The following RHOT1 variants were observed in gnomAD, a reference collection of about 807,000 sequenced individuals.
RHOT1 encodes the protein mitochondrial Rho GTPase 1.
RHOT1 carries 27 observed loss-of-function variants against 95.3 expected under a neutral mutation model. That is an observed-to-expected ratio of 0.28 (90% CI 0.21 to 0.39). RHOT1 has a LOEUF of 0.39. Among genes scored for constraint, RHOT1 ranks in the 10% least tolerant of loss-of-function variants. The pLI is 1.00. For synonymous variants in RHOT1, 227 were observed against 263.5 expected (o/e 0.86, Z 1.34); for missense variants, 578 against 786.7 (o/e 0.73, Z 3.17).
intron 19 of RHOT1, among the ~76,000 whole-genome samples, chr17:32,220,033 T>C: frequency 6.6e-6 from 1 of 152,150 alleles, no homozygotes. Flanking sequence ...ATCCTAAATA[T>C]AGAGAAAAAT....
chr17:32,220,182 CA>C (rs1352870336), intron 19 of RHOT1, among the ~76,000 whole-genome samples: 8 of 151,872 alleles, frequency 5.3e-5, no homozygotes, highest in African/African-American at 1.9e-4. Context: ...TGCAACATAG[CA>C]AGACCCCATC....
rs760220103 is a variant in RHOT1 at position 32,183,161 on chromosome 17, A to G, written c.439-10A>G. The G allele has an allele frequency of 1.9e-6, 3 of 1,572,856 alleles. No individual in the cohort carries two copies. The highest frequency in any genetic ancestry group is 2.6e-6 in the Non-Finnish European group (3 of 1,152,800). On this transcript the variant is annotated splice_polypyrimidine_tract_variant and intron_variant, in intron 7 of 19. Coordinates refer to ENST00000545287, the MANE Select transcript of RHOT1 (RefSeq NM_001033566.3). ...AATTGATTTCAGAGTGTAAAATTTT[A>G]TTTTTTCAGTGTTCAGCGAAAAACC...
chr17:32,143,822 T>A (rs1266734547), intron 1 of RHOT1, among the ~76,000 whole-genome samples: 1 of 152,248 alleles, frequency 6.6e-6, no homozygotes, highest in Non-Finnish European at 1.5e-5. Flanking sequence ...TTTAAACCAT[T>A]ATTTCATTCT....
rs559470011 is a variant in RHOT1 at position 32,212,436 on chromosome 17, G to A, written c.1862+1198G>A. ...TTCTGCTTCTGTGCTTTAGCACCTT[G>A]TAAAGTAGTAACATAGACAGATTCT... On this transcript the variant is annotated intron_variant, in intron 19 of 19. Transcript: ENST00000545287. Among the ~76,000 whole-genome samples the A allele has an allele frequency of 3.5e-4, 53 of 152,308 alleles. 1 individual carries two copies. In the South Asian group the frequency reaches 0.011, roughly 32 times the overall value.
chr17:32,142,932 C>T, intron 1 of RHOT1: 1 of 717,436 alleles, frequency 1.4e-6, no homozygotes, highest in South Asian at 1.5e-5. Flanking sequence ...CGGCCCTCAC[C>T]CTGTCACCTC....
intron 8 of RHOT1, among the ~76,000 whole-genome samples, chr17:32,183,748 G>C (rs1277634895): frequency 6.6e-6 from 1 of 152,102 alleles, no homozygotes; most frequent in Non-Finnish European, 1.5e-5. Context: ...GCACGATCTC[G>C]ATCTCGGCTG....
At chr17:32,200,806 A>G in intron 13 of RHOT1, 150 bp from the exon 14 acceptor site, 1 of 567,526 alleles carries the variant, frequency 1.8e-6, no homozygotes, top group South Asian at 2.0e-5. Flanking sequence ...CAGTGTAAGA[A>G]AAACTATGGT....
intron 8 of RHOT1, among the ~76,000 whole-genome samples, chr17:32,190,615 T>G (rs1328821105): frequency 6.6e-6 from 1 of 152,190 alleles, no homozygotes; most frequent in African/African-American, 2.4e-5. Flanking sequence ...TTTAAATTAT[T>G]AAACTTTTTT....
intron 1 of RHOT1, among the ~76,000 whole-genome samples, chr17:32,147,118 C>T (rs1364576107): frequency 1.3e-5 from 2 of 151,618 alleles, no homozygotes; most frequent in Admixed American, 6.6e-5. Flanking sequence ...AATCTCGGCT[C>T]GTTACAGCAT....
intron 1 of RHOT1, among the ~76,000 whole-genome samples, chr17:32,165,010 G>A (rs1413990795): frequency 6.6e-6 from 1 of 151,110 alleles, no homozygotes; most frequent in Non-Finnish European, 1.5e-5. Flanking sequence ...AACAACAACA[G>A]CAAAACAAAA....
chr17:32,152,076 C>T (rs2032376183), intron 1 of RHOT1, among the ~76,000 whole-genome samples: 1 of 152,146 alleles, frequency 6.6e-6, no homozygotes, highest in Admixed American at 6.5e-5. Flanking sequence ...TTTTTAAAAT[C>T]ACACTTTAAA....
chr17:32,158,406 G>A (rs1042435492), intron 1 of RHOT1, among the ~76,000 whole-genome samples: 4 of 152,084 alleles, frequency 2.6e-5, no homozygotes, highest in African/African-American at 9.7e-5. Flanking sequence ...CTATTACAGT[G>A]TTTCTCAGTT....
chr17:32,165,681 C>T (rs1323412195), intron 1 of RHOT1, among the ~76,000 whole-genome samples: 2 of 151,884 alleles, frequency 1.3e-5, no homozygotes, highest in Non-Finnish European at 2.9e-5. Context: ...TGACTTATAC[C>T]TGCATAAATA....
At chr17:32,147,189 C>T (rs529879222) in intron 1 of RHOT1, among the ~76,000 whole-genome samples, 8 of 151,534 alleles carry the variant, frequency 5.3e-5, no homozygotes, top group South Asian at 2.1e-4. Flanking sequence ...GGATTACAGG[C>T]GCATACCACC....
At chr17:32,167,911 G>A (rs1272435457) in intron 1 of RHOT1, among the ~76,000 whole-genome samples, 2 of 151,878 alleles carry the variant, frequency 1.3e-5, no homozygotes, top group East Asian at 3.9e-4. Flanking sequence ...GGCGTGGCCT[G>A]TGATACTAGC....
At chr17:32,204,086 T>C in intron 16 of RHOT1, 113 bp downstream of exon 16, 1 of 584,844 alleles carries the variant, frequency 1.7e-6, no homozygotes, top group South Asian at 2.3e-5. Context: ...TTCTGTGTGA[T>C]TTTTTTTTTA....
chr17:32,162,516 G>T (rs1388717926), intron 1 of RHOT1, among the ~76,000 whole-genome samples: 1 of 152,156 alleles, frequency 6.6e-6, no homozygotes, highest in Non-Finnish European at 1.5e-5. Flanking sequence ...TCCGGTTGCT[G>T]TTAAGAAAAT....
intron 19 of RHOT1, chr17:32,221,114 T>A (rs1407128936): frequency 1.1e-6 from 1 of 918,674 alleles, no homozygotes; most frequent in Non-Finnish European, 1.3e-6. Flanking sequence ...ACGCCTGTAA[T>A]CTCAGCACTT....
chr17:32,205,571 G>A (rs1296025631), intron 16 of RHOT1, among the ~76,000 whole-genome samples: 3 of 152,136 alleles, frequency 2.0e-5, no homozygotes, highest in Non-Finnish European at 1.5e-5. Context: ...GCTCTGCAAG[G>A]AGCAATAAAA....
Sources: gnomAD v4.1 joint callset for allele counts (sites outside exome capture counted in the v4.1 genomes callset) on GRCh38, gnomAD v4.1.1 for gene constraint, MANE v1.5 for transcripts, NCBI Gene and HGNC (gene_info 2026-07-23, HGNC 2026-07-21) for gene names.